Variants in MYLK4 observed in about 807,000 individuals in gnomAD.
MYLK4 encodes myosin light chain kinase family member 4.
A neutral mutation model predicts 48.1 loss-of-function variants in MYLK4; 46 were observed. The observed-to-expected ratio is 0.96, with a 90% CI of 0.75 to 1.22. The LOEUF is 1.22. Ranked by LOEUF, MYLK4 falls within the 50% of genes most tolerant of loss-of-function variation. MYLK4 has a pLI of 0.00. For synonymous variants in MYLK4, 170 were observed against 180.8 expected (o/e 0.94, Z 0.48); for missense variants, 451 against 486.1 (o/e 0.93, Z 0.68).
chr6:2,665,952 CTAAAT>C lies in MYLK4; in HGVS notation c.*1968_*1972del. The C allele has an allele frequency of 6.6e-6, 1 of 151,710 alleles. No individual in the cohort carries two copies. The highest frequency in any genetic ancestry group is 2.1e-4 in the South Asian group (1 of 4,804). The allele number at this position is 151,710 out of a possible 1,614,324, so 9.4% of individuals were successfully genotyped here. ...GTGTGGTGTGTGTGTTTTAAGCAAA[CTAAAT>C]TAAACACTTAAGCATAGTCACATCA... On this transcript the variant is annotated 3_prime_UTR_variant, in exon 13 of 13. Coordinates refer to ENST00000274643, the MANE Select transcript of MYLK4 (RefSeq NM_001012418.5).
intron 2 of MYLK4, among the ~76,000 whole-genome samples, chr6:2,714,345 G>T (rs917248309): frequency 2.6e-5 from 4 of 152,202 alleles, no homozygotes; most frequent in African/African-American, 4.8e-5. Flanking sequence ...CCCTCAATTT[G>T]CATTAACTCA....
intron 10 of MYLK4, among the ~76,000 whole-genome samples, chr6:2,677,545 T>C (rs1292222252): frequency 6.6e-6 from 1 of 152,236 alleles, no homozygotes; most frequent in Non-Finnish European, 1.5e-5. Context: ...CTTCTATGAT[T>C]CTAAAATGCA....
rs181742814 is a variant in MYLK4 at position 2,724,417 on chromosome 6, G to A, written c.159+24719C>T. On this transcript the variant is annotated intron_variant, in intron 2 of 12. Transcript: ENST00000274643. ...TGAAAGGGTTCCTCCAACTGGATCC[G>A]GCCAGGGAGAAATCAATCACTAACG... 4.6e-5 allele frequency among the ~76,000 whole-genome samples: 7 copies of A among 152,306 alleles called. No individual in the cohort carries two copies. In the East Asian group the frequency reaches 1.3e-3, roughly 29 times the overall value.
rs200808998 is a variant in MYLK4, at chr6:2,690,516, A to AC, written c.236-1561_236-1560insG. 8.2e-3 allele frequency among the ~76,000 whole-genome samples: 1,255 copies of AC among 152,308 alleles called. 22 individuals carry two copies. The highest frequency in any genetic ancestry group is 0.029 in the African/African-American group (1,195 of 41,570). On this transcript the variant is annotated intron_variant, in intron 3 of 12. Transcript: ENST00000274643. ...ACATTCAGATGGTGGAAATTCTTTA[A>AC]GAAGGTTTTCTTAAAACAGTGTTTT...
At chr6:2,696,838 G>C (rs1762079446) in intron 2 of MYLK4, among the ~76,000 whole-genome samples, 1 of 152,210 alleles carries the variant, frequency 6.6e-6, no homozygotes, top group African/African-American at 2.4e-5. Flanking sequence ...GAGGTGGGCA[G>C]ATCATGTGGT....
chr6:2,709,530 G>C (rs1762601263), intron 2 of MYLK4, among the ~76,000 whole-genome samples: 1 of 152,210 alleles, frequency 6.6e-6, no homozygotes, highest in Non-Finnish European at 1.5e-5. Context: ...CAGGACTGAG[G>C]TTCATGAATG....
the MYLK4 span, among the ~76,000 whole-genome samples, chr6:2,764,199 G>A: frequency 6.6e-6 from 1 of 152,164 alleles, no homozygotes; most frequent in Non-Finnish European, 1.5e-5. Context: ...AGTTTAACTT[G>A]TTTCTCTAGC....
At chr6:2,699,454 C>A (rs1285761684) in intron 2 of MYLK4, among the ~76,000 whole-genome samples, 2 of 20,940 alleles carry the variant, frequency 9.6e-5, no homozygotes, top group Non-Finnish European at 2.0e-4. Context: ...CCACACCTGG[C>A]TAATTTTTTT....
At chr6:2,678,865 G>A (rs771990469) in intron 9 of MYLK4, among the ~76,000 whole-genome samples, 8 of 151,938 alleles carry the variant, frequency 5.3e-5, no homozygotes, top group Non-Finnish European at 7.4e-5. Context: ...CACCACGCAC[G>A]GCTGATTTTT....
At chr6:2,756,019 C>T in the MYLK4 span, among the ~76,000 whole-genome samples, 43 of 151,982 alleles carry the variant, frequency 2.8e-4, no homozygotes, top group South Asian at 1.2e-3. Flanking sequence ...TAAAACTAAC[C>T]CTTTTATTTT....
the MYLK4 span, among the ~76,000 whole-genome samples, chr6:2,762,227 A>G: frequency 1.3e-5 from 2 of 152,294 alleles, no homozygotes; most frequent in Non-Finnish European, 2.9e-5. Flanking sequence ...TTTTACTCCC[A>G]TAGTACACAA....
chr6:2,670,141 A>G (rs1760827589), intron 12 of MYLK4, among the ~76,000 whole-genome samples: 2 of 152,176 alleles, frequency 1.3e-5, no homozygotes, highest in African/African-American at 2.4e-5. Context: ...TGAGGCGGGC[A>G]GATCACCTTA....
intron 2 of MYLK4, among the ~76,000 whole-genome samples, chr6:2,714,062 T>A (rs999969896): frequency 6.6e-6 from 1 of 152,168 alleles, no homozygotes; most frequent in African/African-American, 2.4e-5. Flanking sequence ...TGTAAAATAG[T>A]GCAGCTGCTA....
chr6:2,695,430 G>T (rs113254373), intron 2 of MYLK4, among the ~76,000 whole-genome samples: 1 of 152,190 alleles, frequency 6.6e-6, no homozygotes, highest in African/African-American at 2.4e-5. Context: ...AGTATCAGGT[G>T]GAAAAGTCCA....
At chr6:2,740,305 T>C (rs1278646912) in intron 2 of MYLK4, among the ~76,000 whole-genome samples, 1 of 152,230 alleles carries the variant, frequency 6.6e-6, no homozygotes, top group East Asian at 1.9e-4. Context: ...ACCAGCTCCA[T>C]AGAGGTCTAG....
At chr6:2,705,398 G>A (rs1219456993) in intron 2 of MYLK4, among the ~76,000 whole-genome samples, 1 of 152,182 alleles carries the variant, frequency 6.6e-6, no homozygotes, top group Admixed American at 6.5e-5. Flanking sequence ...ATTGCTTGGA[G>A]GTAGTAATGA....
At chr6:2,735,285 A>G (rs1015883157) in intron 2 of MYLK4, among the ~76,000 whole-genome samples, 1 of 152,196 alleles carries the variant, frequency 6.6e-6, no homozygotes, top group Non-Finnish European at 1.5e-5. Flanking sequence ...TCTGATCTGA[A>G]GGTAAATGAA....
At chr6:2,763,812 C>T in the MYLK4 span, among the ~76,000 whole-genome samples, 3 of 151,648 alleles carry the variant, frequency 2.0e-5, no homozygotes, top group Non-Finnish European at 4.4e-5. Flanking sequence ...AGAGGGCTGC[C>T]AGAATGCTGT....
At chr6:2,693,140 G>A (rs1290448224) in intron 2 of MYLK4, among the ~76,000 whole-genome samples, 1 of 152,080 alleles carries the variant, frequency 6.6e-6, no homozygotes, top group Non-Finnish European at 1.5e-5. Context: ...ATAGAAAAAA[G>A]CCCAGTAAAA....
Sources: gnomAD v4.1 joint callset for allele counts (sites outside exome capture counted in the v4.1 genomes callset) on GRCh38, gnomAD v4.1.1 for gene constraint, MANE v1.5 for transcripts, NCBI Gene and HGNC (gene_info 2026-07-23, HGNC 2026-07-21) for gene names.